The following TEX9 variants were observed in gnomAD, a reference collection of about 807,000 sequenced individuals.
The protein encoded by TEX9 is testis expressed 9, also known as testis-expressed protein 9.
A neutral mutation model predicts 59.6 loss-of-function variants in TEX9; 74 were observed. The observed-to-expected ratio is 1.24, with a 90% CI of 1.03 to 1.51. The LOEUF is 1.51. Ranked by LOEUF, TEX9 falls within the 40% of genes most tolerant of loss-of-function variation. The pLI is 0.00. For synonymous variants in TEX9, 186 were observed against 152.2 expected, an observed-to-expected ratio of 1.22 and a Z score of -1.64; for missense variants, 522 against 447.8, an observed-to-expected ratio of 1.17 and a Z score of -1.49.
At chr15:56,395,247 T>A (rs2048412000) in intron 9 of TEX9, 1 of 175,076 alleles carries the variant, frequency 5.7e-6, no homozygotes, top group African/African-American at 2.4e-5. Context: ...CTTTTGTGAC[T>A]GACTTTTACT....
At chr15:56,333,631 A>G (rs1236117721) in intron 1 of TEX9, among the ~76,000 whole-genome samples, 1 of 152,170 alleles carries the variant, frequency 6.6e-6, no homozygotes, top group African/African-American at 2.4e-5. Flanking sequence ...AAAGATGCCC[A>G]CTTGCACCCT....
chr15:56,365,479 T>G lies in TEX9; in HGVS notation c.27+2T>G. On this transcript the variant is annotated splice_donor_variant, in intron 1 of 12. Coordinates refer to ENST00000352903, the Ensembl canonical transcript of TEX9. LOFTEE classifies it high-confidence loss of function. ...GCGGGGCGAAGTCTGTGTCTCACGGTCAGTTCAACTCCAGGCTCCTGGGGA... is the reference window on the plus strand; with the variant it reads ...GCGGGGCGAAGTCTGTGTCTCACGGGCAGTTCAACTCCAGGCTCCTGGGGA... The G allele has an allele frequency of 6.2e-7, 1 of 1,614,048 alleles. No homozygotes were observed. The highest frequency in any genetic ancestry group is 8.5e-7 in the Non-Finnish European group (1 of 1,179,998).
At chr15:56,442,557 C>T (rs2050835379) in intron 12 of TEX9, among the ~76,000 whole-genome samples, 1 of 152,108 alleles carries the variant, frequency 6.6e-6, no homozygotes, top group Admixed American at 6.6e-5. Context: ...ACTACACAGC[C>T]ATAAAAAAGA....
intron 1 of TEX9, among the ~76,000 whole-genome samples, chr15:56,271,169 T>G (rs956637997): frequency 1.4e-4 from 21 of 152,178 alleles, no homozygotes; most frequent in African/African-American, 4.3e-4. Context: ...TTCCTGAATT[T>G]GAATGTTGAC....
At chr15:56,385,254 G>A (rs1314796631) in intron 4 of TEX9, among the ~76,000 whole-genome samples, 2 of 152,134 alleles carry the variant, frequency 1.3e-5, no homozygotes, top group African/African-American at 2.4e-5. Context: ...TACCCTTGTT[G>A]TAACTGTGGA....
chr15:56,326,099 T>G (rs553067821), intron 1 of TEX9, among the ~76,000 whole-genome samples: 6 of 152,352 alleles, frequency 3.9e-5, no homozygotes, highest in South Asian at 2.1e-4. Context: ...GACAAGTGAC[T>G]GCTTACATAC....
intron 1 of TEX9, among the ~76,000 whole-genome samples, chr15:56,313,696 A>G (rs1212387690): frequency 2.1e-5 from 3 of 141,540 alleles, no homozygotes; most frequent in Non-Finnish European, 3.1e-5. Context: ...CTCTTTTTCT[A>G]TTGATTGGAA....
intron 9 of TEX9, among the ~76,000 whole-genome samples, chr15:56,409,190 C>T (rs1020447011): frequency 2.0e-5 from 3 of 150,614 alleles, no homozygotes; most frequent in Non-Finnish European, 3.0e-5. Flanking sequence ...AGCGAGACTC[C>T]GTCTCAAAAA....
chr15:56,420,932 A>G (rs1387156955), intron 10 of TEX9, among the ~76,000 whole-genome samples: 1 of 151,906 alleles, frequency 6.6e-6, no homozygotes, highest in Non-Finnish European at 1.5e-5. Context: ...GAATCACTCT[A>G]AATTTATGGA....
In TEX9 at chr15:56,401,142, A is replaced by C. The variant is rs545490021; in HGVS notation, c.828+6308A>C. Among the ~76,000 whole-genome samples the C allele has an allele frequency of 1.7e-4, 26 of 152,180 alleles. No individual in the cohort carries two copies. In the East Asian group the frequency reaches 3.1e-3, roughly 18 times the overall value. On this transcript the variant is annotated intron_variant, in intron 9 of 12. Transcript: ENST00000352903. The stretch of plus-strand genomic sequence containing the variant: ...ATTCACACATAACAATATTAACCTT[A>C]AATGTAAATAGGCTAAATGCCCCAA...
intron 12 of TEX9, chr15:56,429,205 A>C (rs763153005): frequency 1.3e-6 from 2 of 1,550,068 alleles, no homozygotes; most frequent in Admixed American, 1.8e-5. Context: ...TACGAGAAAA[A>C]TACTTTGTGG....
chr15:56,417,063 C>T (rs2049725826), intron 10 of TEX9, among the ~76,000 whole-genome samples: 1 of 151,734 alleles, frequency 6.6e-6, no homozygotes, highest in Non-Finnish European at 1.5e-5. Context: ...TTCCCTTTGT[C>T]ATTTCTAATT....
At chr15:56,297,558 G>T (rs951514742) in intron 1 of TEX9, among the ~76,000 whole-genome samples, 6 of 152,206 alleles carry the variant, frequency 3.9e-5, no homozygotes, top group African/African-American at 1.2e-4. Context: ...AGGCTGGAGT[G>T]CAGTGGTGCG....
At chr15:56,416,616 T>C (rs1422576684) in intron 10 of TEX9, among the ~76,000 whole-genome samples, 1 of 151,858 alleles carries the variant, frequency 6.6e-6, no homozygotes, top group Non-Finnish European at 1.5e-5. Flanking sequence ...TTTGCAAATA[T>C]TTTGTTGAGG....
At chr15:56,319,641 T>C (rs2045858841) in intron 1 of TEX9, among the ~76,000 whole-genome samples, 1 of 152,216 alleles carries the variant, frequency 6.6e-6, no homozygotes, top group African/African-American at 2.4e-5. Context: ...ATCCAACTTG[T>C]CTGGGCCCAG....
At chr15:56,258,198 A>G (rs2044185916) in intron 1 of TEX9, among the ~76,000 whole-genome samples, 1 of 152,024 alleles carries the variant, frequency 6.6e-6, no homozygotes, top group Admixed American at 6.6e-5. Flanking sequence ...GTAGCCCTGT[A>G]GTATAGTTTG....
At chr15:56,391,780 A>T (rs1451322347) in intron 7 of TEX9, among the ~76,000 whole-genome samples, 17 of 152,274 alleles carry the variant, frequency 1.1e-4, no homozygotes, top group South Asian at 1.0e-3. Flanking sequence ...TTAAAATATT[A>T]AAAAAGTTTT....
At chr15:56,400,934 A>G (rs979430974) in intron 9 of TEX9, among the ~76,000 whole-genome samples, 2 of 152,136 alleles carry the variant, frequency 1.3e-5, no homozygotes, top group Non-Finnish European at 2.9e-5. Context: ...AAATGCTGAG[A>G]GATTTTGTTC....
chr15:56,344,898 G>A (rs774758998), intron 1 of TEX9, among the ~76,000 whole-genome samples: 9 of 151,670 alleles, frequency 5.9e-5, no homozygotes, highest in Middle Eastern at 3.5e-3. Context: ...GTTTGCCCCC[G>A]TTTAACACAA....
Sources: allele counts gnomAD v4.1 joint callset (sites outside exome capture counted in the v4.1 genomes callset), GRCh38; gene constraint gnomAD v4.1.1; transcripts MANE v1.5; gene names NCBI Gene and HGNC (gene_info 2026-07-23, HGNC 2026-07-21).